The following AK2 variants were observed in gnomAD, a reference collection of about 807,000 sequenced individuals.
AK2 encodes adenylate kinase 2.
In AK2, 15 loss-of-function variants were observed where a neutral mutation model predicts 24.6. That is an observed-to-expected ratio of 0.61 (90% CI 0.41 to 0.94). The LOEUF (loss-of-function observed/expected upper bound fraction) is 0.94. AK2 is among the 40% of genes least tolerant of loss of function. The pLI, the probability that AK2 is intolerant of heterozygous loss-of-function variation, is 0.00. For synonymous variants in AK2, 102 were observed against 114.0 expected (o/e 0.90, Z 0.67); for missense variants, 257 against 304.1 (o/e 0.85, Z 1.15).
chr1:33,014,200 A>G (rs962669526), intron 5 of AK2, among the ~76,000 whole-genome samples: 2 of 152,204 alleles, frequency 1.3e-5, no homozygotes, highest in Non-Finnish European at 2.9e-5. Context: ...GCTTTTAAGA[A>G]AGCTTCTCCT....
rs768572883 is a variant in AK2 at position 33,012,033 on chromosome 1, A to T, written c.*1148T>A. ...CACACACTGTTTTGTTCACACTTGG[A>T]AACACAGGCAAACATTAAAAATAAA... On this transcript the variant is annotated 3_prime_UTR_variant, in exon 6 of 6. Coordinates refer to ENST00000672715, the MANE Select transcript of AK2 (RefSeq NM_001625.4). The T allele has an allele frequency of 6.5e-7, 1 of 1,535,426 alleles. No homozygotes were observed. Among genetic ancestry groups the T allele is most frequent in the South Asian group, 1.2e-5 (1 of 84,052 alleles).
intron 1 of AK2, 24 bp downstream of exon 1, chr1:33,036,712 G>A (rs1483523490): frequency 1.9e-6 from 3 of 1,557,680 alleles, no homozygotes; most frequent in Non-Finnish European, 2.6e-6. Flanking sequence ...AGGCTCCGCC[G>A]CCAAGCCCAG....
intron 1 of AK2, among the ~76,000 whole-genome samples, chr1:33,030,502 T>C (rs1244517978): frequency 7.9e-5 from 12 of 152,066 alleles, no homozygotes; most frequent in Admixed American, 7.9e-4. Context: ...TTCAATGAAC[T>C]ATGACCGTGC....
Position 33,011,496 on chromosome 1 carries a change from T to C in AK2, c.*1685A>G. ...AAGGTGGCCAGGTACTCATGCCCAG[T>C]TGCCATGTGGACAGCAGATAAGACC... On this transcript the variant is annotated 3_prime_UTR_variant, in exon 6 of 6. Transcript: ENST00000672715. 2.3e-6 allele frequency: 3 copies of C among 1,287,426 alleles called. No homozygotes were observed. The highest frequency in any genetic ancestry group is 3.0e-6 in the Non-Finnish European group (3 of 988,818). The allele number at this position is 1,287,426 out of a possible 1,614,324, so 79.8% of individuals were successfully genotyped here. A position where few individuals can be genotyped will look rare whatever the true frequency, so the allele number is the denominator to read the frequency against.
At chr1:33,018,399 A>G (rs1440399316) in intron 4 of AK2, among the ~76,000 whole-genome samples, 3 of 152,208 alleles carry the variant, frequency 2.0e-5, no homozygotes, top group African/African-American at 7.2e-5. Context: ...CCTGGGCAAC[A>G]GAGTGAGACT....
intron 1 of AK2, among the ~76,000 whole-genome samples, chr1:33,033,860 T>C (rs901166095): frequency 1.8e-4 from 27 of 152,196 alleles, no homozygotes; most frequent in African/African-American, 5.3e-4. Context: ...AGGCTACCAT[T>C]TGTAAAGTCT....
At chr1:33,034,479 C>T (rs1468702737) in intron 1 of AK2, among the ~76,000 whole-genome samples, 3 of 150,772 alleles carry the variant, frequency 2.0e-5, no homozygotes, top group Non-Finnish European at 4.4e-5. Context: ...CACACACACA[C>T]ACACACACAT....
chr1:33,030,270 ATCAAAAGCCTAAC>A (rs1640157660), intron 1 of AK2, among the ~76,000 whole-genome samples: 1 of 152,200 alleles, frequency 6.6e-6, no homozygotes, highest in Non-Finnish European at 1.5e-5. Flanking sequence ...CATTTCTCCC[ATCAAAAGCCTAAC>A]TGGGCTGGAA....
intron 4 of AK2, chr1:33,019,925 T>G (rs1409542290): frequency 7.1e-7 from 1 of 1,406,618 alleles, no homozygotes; most frequent in African/African-American, 1.5e-5. Flanking sequence ...TCAAGATGGT[T>G]GGCTGACCAC....
At chr1:33,022,695 T>C (rs1356414433) in intron 2 of AK2, among the ~76,000 whole-genome samples, 1 of 152,068 alleles carries the variant, frequency 6.6e-6, no homozygotes, top group African/African-American at 2.4e-5. Context: ...AAAACCCCAA[T>C]AAGGACTTCT....
At chr1:33,035,502 T>C (rs1441996246) in intron 1 of AK2, among the ~76,000 whole-genome samples, 1 of 152,204 alleles carries the variant, frequency 6.6e-6, no homozygotes, top group African/African-American at 2.4e-5. Context: ...AGTCCTCAGA[T>C]TCCCTTTCAT....
Position 33,013,020 on chromosome 1 carries a change from T to C in AK2, c.*161A>G. 6.3e-7 allele frequency: 1 copy of C among 1,595,680 alleles called. No homozygotes were observed. Among genetic ancestry groups the C allele is most frequent in the Non-Finnish European group, 8.5e-7 (1 of 1,177,686 alleles). On this transcript the variant is annotated 3_prime_UTR_variant, in exon 6 of 6. Transcript: ENST00000672715. Reference sequence around the variant, plus strand: ...CACACACAACACACATACACACAGATGAGAGTAGCACACACGCCAAAGATA... The same window carrying C: ...CACACACAACACACATACACACAGACGAGAGTAGCACACACGCCAAAGATA...
At chr1:33,018,386 C>T (rs572737282) in intron 4 of AK2, among the ~76,000 whole-genome samples, 8 of 152,158 alleles carry the variant, frequency 5.3e-5, no homozygotes, top group African/African-American at 1.9e-4. Flanking sequence ...CATCTGTGAC[C>T]AACCTGGGCA....
intron 4 of AK2, among the ~76,000 whole-genome samples, chr1:33,016,465 C>G (rs1370422070): frequency 6.6e-6 from 1 of 151,984 alleles, no homozygotes; most frequent in Non-Finnish European, 1.5e-5. Flanking sequence ...CCTGCCTCAG[C>G]CTTCCGAAGT....
intron 1 of AK2, chr1:33,031,038 C>T (rs10753271): frequency 0.22 from 33,074 of 151,752 alleles, 4,456 homozygotes; most frequent in Admixed American, 0.36. Flanking sequence ...ATCACAGAAA[C>T]CTGTGTTTGC....
At chr1:33,024,785 A>T (rs1639768773) in intron 1 of AK2, among the ~76,000 whole-genome samples, 1 of 152,260 alleles carries the variant, frequency 6.6e-6, no homozygotes, top group Non-Finnish European at 1.5e-5. Context: ...ATATATGTAA[A>T]GCACTTAAAA....
Position 33,036,844 on chromosome 1 carries a change from T to C in AK2, c.-16A>G. The stretch of plus-strand genomic sequence containing the variant: ...TGGGAGCCATGTCCGCCGAAGTCTC[T>C]CACTGCCACCAGTTCGCACGCCTCA... On this transcript the variant is annotated 5_prime_UTR_variant, in exon 1 of 6. Coordinates refer to ENST00000672715, the MANE Select transcript of AK2 (RefSeq NM_001625.4). 6.3e-7 allele frequency: 1 copy of C among 1,577,572 alleles called. No homozygotes were observed. The highest frequency in any genetic ancestry group is 8.6e-7 in the Non-Finnish European group (1 of 1,161,784).
chr1:33,024,311 C>G, intron 2 of AK2, 131 bp downstream of exon 2: 1 of 1,258,036 alleles, frequency 7.9e-7, no homozygotes, highest in Admixed American at 1.9e-5. Context: ...ATGGCTAGTG[C>G]AACTGAGGAA....
At chr1:33,019,628 C>A (rs1291787638) in intron 4 of AK2, 9 of 993,146 alleles carry the variant, frequency 9.1e-6, no homozygotes, top group Non-Finnish European at 1.1e-5. Context: ...TAGTGCTAAC[C>A]CTGTGCTGTC....
Sources: allele counts gnomAD v4.1 joint callset (sites outside exome capture counted in the v4.1 genomes callset), GRCh38; gene constraint gnomAD v4.1.1; transcripts MANE v1.5; gene names NCBI Gene and HGNC (gene_info 2026-07-23, HGNC 2026-07-21).